Variants in GATB observed in about 807,000 individuals in gnomAD.
GATB encodes the protein glutamyl-tRNA amidotransferase subunit B.
GATB carries 39 observed loss-of-function variants against 62.3 expected under a neutral mutation model. The ratio of observed to expected loss-of-function variants is 0.63; its 90% CI spans 0.48 to 0.82. GATB has a LOEUF of 0.82. Ranked by LOEUF, GATB falls within the 40% of genes least tolerant of loss-of-function variation. The probability of loss-of-function intolerance (pLI) is 0.00; values close to 1 mark genes in which losing one functional copy is unlikely to be tolerated. For missense variants in GATB, 670 were observed against 684.0 expected (o/e 0.98, Z 0.23); for synonymous variants, 276 against 258.9 (o/e 1.07, Z -0.63).
intron 10 of GATB, among the ~76,000 whole-genome samples, chr4:151,687,291 G>A (rs1056035507): frequency 2.0e-5 from 3 of 152,198 alleles, no homozygotes; most frequent in Non-Finnish European, 2.9e-5. Context: ...CAGGCAGCTC[G>A]AAGTCAGCAC....
intron 9 of GATB, among the ~76,000 whole-genome samples, chr4:151,696,222 T>C (rs188409701): frequency 1.3e-4 from 20 of 152,360 alleles, no homozygotes; most frequent in Non-Finnish European, 1.6e-4. Context: ...ATTTCTGCTT[T>C]TCATTGGCGT....
rs377229431 is a variant in GATB at position 151,744,857 on chromosome 4, T to G, written c.327+13915A>C. 4.5e-4 allele frequency among the ~76,000 whole-genome samples: 68 copies of G among 152,328 alleles called. 1 individual carries two copies. In the East Asian group the frequency reaches 6.4e-3, roughly 14 times the overall value. On this transcript the variant is annotated intron_variant, in intron 2 of 12. Transcript: ENST00000263985. ...ACTGAGTTCATGGGAGACATCCGGT[T>G]AACTAAGTTATAAGGCAGGTTTAGA...
At chr4:151,725,118 C>T (rs535461580) in intron 2 of GATB, among the ~76,000 whole-genome samples, 46 of 152,230 alleles carry the variant, frequency 3.0e-4, no homozygotes, top group Non-Finnish European at 5.4e-4. Context: ...TTGGGGCCAT[C>T]AGAGGATGCT....
At chr4:151,683,593 C>A (rs1183098106) in intron 10 of GATB, among the ~76,000 whole-genome samples, 1 of 152,160 alleles carries the variant, frequency 6.6e-6, no homozygotes. Context: ...CCTGAGAGGC[C>A]CCGTTCACAC....
intron 2 of GATB, among the ~76,000 whole-genome samples, chr4:151,738,861 G>A (rs1739429606): frequency 6.6e-6 from 1 of 152,190 alleles, no homozygotes; most frequent in Non-Finnish European, 1.5e-5. Context: ...CTTATACTAA[G>A]AATAGGGACC....
At chr4:151,739,450 G>C (rs1052166702) in intron 2 of GATB, among the ~76,000 whole-genome samples, 7 of 152,068 alleles carry the variant, frequency 4.6e-5, no homozygotes, top group Non-Finnish European at 8.8e-5. Flanking sequence ...TAAAAGAGCT[G>C]AGGAAAAAAA....
intron 9 of GATB, among the ~76,000 whole-genome samples, chr4:151,698,505 T>C (rs1235638103): frequency 6.6e-6 from 1 of 152,196 alleles, no homozygotes; most frequent in Non-Finnish European, 1.5e-5. Flanking sequence ...TGAATACTCC[T>C]GGGCGCTCTT....
intron 9 of GATB, among the ~76,000 whole-genome samples, chr4:151,696,980 C>A (rs1738483108): frequency 6.6e-6 from 1 of 152,172 alleles, no homozygotes; most frequent in African/African-American, 2.4e-5. Flanking sequence ...ATTCTTTAAT[C>A]TTTACAAATG....
intron 11 of GATB, among the ~76,000 whole-genome samples, chr4:151,676,922 TGA>T (rs1176086405): frequency 6.6e-6 from 1 of 152,070 alleles, no homozygotes; most frequent in Non-Finnish European, 1.5e-5. Flanking sequence ...AGGAAGTGGG[TGA>T]GAGACAGGCA....
intron 11 of GATB, among the ~76,000 whole-genome samples, 185 bp downstream of exon 11, chr4:151,679,628 G>A (rs964361218): frequency 1.3e-5 from 2 of 152,202 alleles, no homozygotes; most frequent in Non-Finnish European, 2.9e-5. Flanking sequence ...CAAACTGCCT[G>A]CATTGCACAT....
At chr4:151,692,846 G>C (rs1008668623) in intron 9 of GATB, among the ~76,000 whole-genome samples, 30 of 152,322 alleles carry the variant, frequency 2.0e-4, no homozygotes, top group African/African-American at 7.2e-4. Context: ...TCCTCTAATA[G>C]GGTAAGTCCT....
chr4:151,754,077 C>T (rs976594557), intron 2 of GATB, among the ~76,000 whole-genome samples: 1 of 152,192 alleles, frequency 6.6e-6, no homozygotes, highest in Non-Finnish European at 1.5e-5. Context: ...CTTGTACTCC[C>T]TCCTTCTCAA....
chr4:151,757,576 C>T (rs1026630435), intron 2 of GATB, among the ~76,000 whole-genome samples: 53 of 151,682 alleles, frequency 3.5e-4, no homozygotes, highest in African/African-American at 1.2e-3. Context: ...AGGTTCACGC[C>T]ATTCTCCTGC....
At chr4:151,729,683 G>GT (rs1739205425) in intron 2 of GATB, among the ~76,000 whole-genome samples, 1 of 152,152 alleles carries the variant, frequency 6.6e-6, no homozygotes, top group Non-Finnish European at 1.5e-5. Context: ...CAACTTTTCT[G>GT]TAAGTTTTAA....
At chr4:151,736,253 G>C (rs549477113) in intron 2 of GATB, among the ~76,000 whole-genome samples, 1 of 152,222 alleles carries the variant, frequency 6.6e-6, no homozygotes, top group African/African-American at 2.4e-5. Flanking sequence ...CTATAGAAAA[G>C]TATATAAACC....
intron 12 of GATB, among the ~76,000 whole-genome samples, chr4:151,671,858 C>T (rs1347318883): frequency 1.3e-5 from 2 of 152,184 alleles, no homozygotes; most frequent in South Asian, 4.1e-4. Flanking sequence ...TGCTGAATTC[C>T]TATCAGATAG....
In GATB at chr4:151,670,984, T is replaced by C. The variant is rs1385069202; in HGVS notation, c.*190A>G. On this transcript the variant is annotated 3_prime_UTR_variant, in exon 13 of 13. Transcript: ENST00000263985. ...GCAGGCGGGGTGGCTGCTGGTCGGCTGTGGAGGCACCTCCAGGCACAGGGC... is the reference window on the plus strand; with the variant it reads ...GCAGGCGGGGTGGCTGCTGGTCGGCCGTGGAGGCACCTCCAGGCACAGGGC... The C allele has an allele frequency of 1.6e-6, 1 of 638,332 alleles. No homozygotes were observed. The highest frequency in any genetic ancestry group is 1.8e-5 in the African/African-American group (1 of 55,162). 39.5% of individuals were successfully genotyped at this position (638,332 alleles called of 1,614,324 possible). A position where few individuals can be genotyped will look rare whatever the true frequency, so the allele number is the denominator to read the frequency against.
chr4:151,676,666 G>A (rs1738013143), intron 11 of GATB: 1 of 152,240 alleles, frequency 6.6e-6, no homozygotes, highest in African/African-American at 2.4e-5. Flanking sequence ...TACACAGCCT[G>A]GGTCTTGTGA....
At chr4:151,691,366 CTT>C (rs2126962470) in intron 9 of GATB, among the ~76,000 whole-genome samples, 1 of 152,278 alleles carries the variant, frequency 6.6e-6, no homozygotes, top group East Asian at 1.9e-4. Flanking sequence ...GCGGTCCTGT[CTT>C]TTGTATAATA....
Sources: allele counts gnomAD v4.1 joint callset (sites outside exome capture counted in the v4.1 genomes callset), GRCh38; gene constraint gnomAD v4.1.1; transcripts MANE v1.5; gene names NCBI Gene and HGNC (gene_info 2026-07-23, HGNC 2026-07-21).